The following KLHL1 variants were observed in gnomAD, a reference collection of about 807,000 sequenced individuals.
The protein encoded by KLHL1 is kelch like family member 1, also known as kelch-like protein 1.
In KLHL1, 47 loss-of-function variants were observed where a neutral mutation model predicts 77.7. The observed-to-expected ratio is 0.60, with a 90% CI of 0.48 to 0.77. The LOEUF is 0.77. KLHL1 is among the 30% of genes least tolerant of loss of function. The pLI is 0.00. For missense variants in KLHL1, 925 were observed against 910.8 expected, an observed-to-expected ratio of 1.02 and a Z score of -0.20; for synonymous variants, 360 against 325.2, an observed-to-expected ratio of 1.11 and a Z score of -1.15.
chr13:69,781,306 G>A (rs976858769), intron 7 of KLHL1, among the ~76,000 whole-genome samples: 10 of 40,010 alleles, frequency 2.5e-4, no homozygotes, highest in Admixed American at 8.1e-4. Flanking sequence ...TTTTTTTTTT[G>A]TCAAATATCA....
At chr13:69,847,904 T>A (rs1380297179) in intron 5 of KLHL1, among the ~76,000 whole-genome samples, 2 of 151,414 alleles carry the variant, frequency 1.3e-5, no homozygotes, top group Admixed American at 6.6e-5. Flanking sequence ...TGCAGAAAAA[T>A]TTTTATTTCA....
At chr13:70,018,552 C>T (rs991010454) in intron 1 of KLHL1, among the ~76,000 whole-genome samples, 1 of 152,120 alleles carries the variant, frequency 6.6e-6, no homozygotes, top group African/African-American at 2.4e-5. Flanking sequence ...AGTTTAGGGC[C>T]TAGGTGACTT....
chr13:69,868,164 G>A (rs1880443857), intron 5 of KLHL1, among the ~76,000 whole-genome samples: 2 of 152,038 alleles, frequency 1.3e-5, no homozygotes, highest in Non-Finnish European at 2.9e-5. Flanking sequence ...TTCTTTATGT[G>A]TTAAATAGAT....
At chr13:69,787,827 C>A (rs937488780) in intron 7 of KLHL1, among the ~76,000 whole-genome samples, 6 of 151,992 alleles carry the variant, frequency 3.9e-5, no homozygotes, top group African/African-American at 1.5e-4. Flanking sequence ...ACAAACAACC[C>A]CATCAAAAAG....
intron 6 of KLHL1, among the ~76,000 whole-genome samples, chr13:69,802,533 C>T (rs1002568159): frequency 5.9e-5 from 9 of 152,014 alleles, no homozygotes; most frequent in African/African-American, 1.7e-4. Context: ...GACAGCCTGG[C>T]GCCACACCCT....
chr13:70,046,300 T>G (rs1886494268), intron 1 of KLHL1, among the ~76,000 whole-genome samples: 11 of 152,242 alleles, frequency 7.2e-5, no homozygotes, highest in Middle Eastern at 3.4e-3. Context: ...TGGCATAAAT[T>G]ACTGATTTTA....
intron 3 of KLHL1, among the ~76,000 whole-genome samples, chr13:69,945,413 C>T (rs1043302515): frequency 4.0e-5 from 6 of 150,866 alleles, no homozygotes; most frequent in African/African-American, 1.5e-4. Context: ...CATGCCACTG[C>T]ACTCCAGCCT....
At chr13:69,766,308 A>G (rs1289664700) in intron 7 of KLHL1, among the ~76,000 whole-genome samples, 1 of 152,094 alleles carries the variant, frequency 6.6e-6, no homozygotes, top group Non-Finnish European at 1.5e-5. Flanking sequence ...ATTATTATAC[A>G]TTAGCTGTTT....
chr13:69,838,867 T>C (rs900775489), intron 6 of KLHL1, 109 bp downstream of exon 6: 9 of 607,708 alleles, frequency 1.5e-5, no homozygotes, highest in Admixed American at 4.0e-5. Context: ...TAAATTACAA[T>C]AATTAAAGCT....
At chr13:69,798,627 T>C (rs1793572293) in intron 6 of KLHL1, among the ~76,000 whole-genome samples, 1 of 151,982 alleles carries the variant, frequency 6.6e-6, no homozygotes, top group African/African-American at 2.4e-5. Context: ...TTAATATATT[T>C]ATTATATTGG....
intron 6 of KLHL1, among the ~76,000 whole-genome samples, chr13:69,810,631 A>T (rs1228225822): frequency 6.6e-6 from 1 of 151,666 alleles, no homozygotes; most frequent in African/African-American, 2.4e-5. Context: ...AGGAACTAGA[A>T]AAACAAGAAC....
intron 1 of KLHL1, among the ~76,000 whole-genome samples, chr13:69,999,157 G>A (rs1593662870): frequency 6.6e-6 from 1 of 151,984 alleles, no homozygotes; most frequent in East Asian, 1.9e-4. Flanking sequence ...TATGTATTAT[G>A]TATTATGTAC....
At chr13:69,814,350 T>TATTA (rs1439844732) in intron 6 of KLHL1, among the ~76,000 whole-genome samples, 2 of 152,016 alleles carry the variant, frequency 1.3e-5, no homozygotes, top group African/African-American at 4.8e-5. Context: ...GCAAATAATG[T>TATTA]ATTACTATGT....
At chr13:70,049,703 G>A (rs548027981) in intron 1 of KLHL1, among the ~76,000 whole-genome samples, 20 of 152,134 alleles carry the variant, frequency 1.3e-4, no homozygotes, top group Admixed American at 1.3e-3. Flanking sequence ...GAAGTAAAAA[G>A]AAAGGGCATT....
chr13:69,819,293 T>C (rs1188939894), intron 6 of KLHL1, among the ~76,000 whole-genome samples: 2 of 152,214 alleles, frequency 1.3e-5, no homozygotes, highest in African/African-American at 4.8e-5. Flanking sequence ...CTTAAAGTTA[T>C]GTAATTTACT....
chr13:69,736,252 G>T (rs1029601602), intron 8 of KLHL1, among the ~76,000 whole-genome samples: 1 of 152,014 alleles, frequency 6.6e-6, no homozygotes, highest in African/African-American at 2.4e-5. Flanking sequence ...ATTCTCAAAA[G>T]AACATATACA....
intron 5 of KLHL1, among the ~76,000 whole-genome samples, chr13:69,878,705 T>G (rs1880859986): frequency 3.3e-5 from 5 of 149,964 alleles, no homozygotes; most frequent in Middle Eastern, 3.4e-3. Context: ...TGCATATATA[T>G]ATATATAGAG....
At chr13:69,962,973 T>A (rs1884112088) in intron 2 of KLHL1, among the ~76,000 whole-genome samples, 1 of 152,316 alleles carries the variant, frequency 6.6e-6, no homozygotes, top group Middle Eastern at 3.4e-3. Flanking sequence ...TTATTCAAGT[T>A]ATTTCTTCAT....
At chr13:69,936,752 A>G (rs1375893318) in intron 4 of KLHL1, among the ~76,000 whole-genome samples, 2 of 152,060 alleles carry the variant, frequency 1.3e-5, no homozygotes, top group African/African-American at 4.8e-5. Context: ...AAAAACTATG[A>G]AGGTCAGGGA....
Sources: allele counts gnomAD v4.1 joint callset (sites outside exome capture counted in the v4.1 genomes callset), GRCh38; gene constraint gnomAD v4.1.1; transcripts MANE v1.5; gene names NCBI Gene and HGNC (gene_info 2026-07-23, HGNC 2026-07-21).